Variants in HIP1 observed in about 807,000 individuals in gnomAD.
HIP1 encodes the protein huntingtin interacting protein 1.
HIP1 carries 65 observed loss-of-function variants against 147.6 expected under a neutral mutation model. The observed-to-expected ratio is 0.44, with a 90% CI of 0.36 to 0.54. The LOEUF (loss-of-function observed/expected upper bound fraction) is 0.54. Ranked by LOEUF, HIP1 falls within the 20% of genes least tolerant of loss-of-function variation. The probability of loss-of-function intolerance (pLI) is 0.00; values close to 1 mark genes in which losing one functional copy is unlikely to be tolerated. For missense variants in HIP1, 1,061 were observed against 1,299.6 expected, an observed-to-expected ratio of 0.82 and a Z score of 2.82; for synonymous variants, 479 against 504.0, an observed-to-expected ratio of 0.95 and a Z score of 0.67.
chr7:75,652,783 A>C (rs1199409497), intron 1 of HIP1, among the ~76,000 whole-genome samples: 2 of 152,218 alleles, frequency 1.3e-5, no homozygotes, highest in African/African-American at 2.4e-5. Context: ...GAGGTAAAAT[A>C]GAAAGTCATA....
At chr7:75,575,479 C>A (rs587703191) in intron 7 of HIP1, among the ~76,000 whole-genome samples, 2 of 152,114 alleles carry the variant, frequency 1.3e-5, no homozygotes, top group Non-Finnish European at 1.5e-5. Context: ...CAAACCAAAA[C>A]AAAACAATAC....
chr7:75,546,435 C>T (rs1288533073), intron 25 of HIP1, among the ~76,000 whole-genome samples: 1 of 152,104 alleles, frequency 6.6e-6, no homozygotes, highest in South Asian at 2.1e-4. Flanking sequence ...TCCCGAGCTG[C>T]GGCGGCATAT....
intron 4 of HIP1, 38 bp downstream of exon 4, chr7:75,592,015 AAGG>A (rs1554500864): frequency 6.6e-7 from 1 of 1,516,066 alleles, no homozygotes; most frequent in Admixed American, 1.7e-5. Flanking sequence ...TGAGGAAGGA[AAGG>A]AGAAGCAGGT....
At chr7:75,632,189 T>C (rs1554509042) in intron 1 of HIP1, among the ~76,000 whole-genome samples, 1 of 152,176 alleles carries the variant, frequency 6.6e-6, no homozygotes, top group East Asian at 1.9e-4. Context: ...AAATCTCTCT[T>C]TCAACTCTGT....
intron 1 of HIP1, among the ~76,000 whole-genome samples, chr7:75,631,794 G>C (rs1798230372): frequency 6.6e-6 from 1 of 152,082 alleles, no homozygotes; most frequent in Non-Finnish European, 1.5e-5. Context: ...GTTTGAACTG[G>C]GACCTCTCTG....
At chr7:75,624,174 A>G (rs782736307) in intron 1 of HIP1, among the ~76,000 whole-genome samples, 2 of 152,114 alleles carry the variant, frequency 1.3e-5, no homozygotes, top group East Asian at 1.9e-4. Context: ...CTGTGGTTAC[A>G]CTCTGGAGGC....
Position 75,554,230 on chromosome 7 carries a change from T to A in HIP1, c.2051-10A>T. 6.2e-7 allele frequency: 1 copy of A among 1,609,912 alleles called. No individual in the cohort carries two copies. The highest frequency in any genetic ancestry group is 1.7e-5 in the Admixed American group (1 of 59,962). On this transcript the variant is annotated splice_polypyrimidine_tract_variant and intron_variant, in intron 20 of 30. Transcript: ENST00000336926. Reference sequence around the variant, plus strand: ...AGAAGTCCACTGATGTCTGCCAGGATTGGAAAGAGAAGTTTCTCAGGTCTG... The same window carrying A: ...AGAAGTCCACTGATGTCTGCCAGGAATGGAAAGAGAAGTTTCTCAGGTCTG...
At chr7:75,560,428 T>C (rs1395623410) in intron 13 of HIP1, among the ~76,000 whole-genome samples, 1 of 152,108 alleles carries the variant, frequency 6.6e-6, no homozygotes, top group African/African-American at 2.4e-5. Flanking sequence ...TTTAAAAAGT[T>C]TTTTGTAGAG....
chr7:75,718,905 A>G (rs1001254521), intron 1 of HIP1, among the ~76,000 whole-genome samples: 10 of 152,180 alleles, frequency 6.6e-5, no homozygotes, highest in African/African-American at 2.4e-4. Flanking sequence ...AGTTCCCACC[A>G]TATATCCTTG....
intron 1 of HIP1, among the ~76,000 whole-genome samples, chr7:75,679,724 CA>C (rs1359961720): frequency 2.0e-5 from 3 of 152,176 alleles, no homozygotes; most frequent in African/African-American, 7.2e-5. Context: ...TTGGCGTCCT[CA>C]AGGTAGACCC....
intron 1 of HIP1, among the ~76,000 whole-genome samples, chr7:75,607,214 AAG>A (rs1362965596): frequency 6.7e-6 from 1 of 149,574 alleles, no homozygotes; most frequent in Non-Finnish European, 1.5e-5. Flanking sequence ...ACAAAAAAAA[AAG>A]AGTTGTTTTT....
At chr7:75,638,876 TC>T (rs1353606217) in intron 1 of HIP1, among the ~76,000 whole-genome samples, 2 of 151,596 alleles carry the variant, frequency 1.3e-5, no homozygotes, top group African/African-American at 4.9e-5. Context: ...GCCAGCCGCC[TC>T]CAGAATCCTG....
At chr7:75,686,741 A>G (rs1800273416) in intron 1 of HIP1, among the ~76,000 whole-genome samples, 1 of 151,620 alleles carries the variant, frequency 6.6e-6, no homozygotes. Context: ...GGCTCACTGC[A>G]GCCTTGACCT....
At chr7:75,553,407 C>T in intron 22 of HIP1, 46 bp downstream of exon 22, 1 of 1,599,418 alleles carries the variant, frequency 6.3e-7, no homozygotes, top group Non-Finnish European at 8.5e-7. Flanking sequence ...CCAGCACGCA[C>T]ACCCAGAAGA....
intron 7 of HIP1, among the ~76,000 whole-genome samples, chr7:75,577,333 A>AAAAAAAAAAAAC (rs1795881439): frequency 1.3e-5 from 1 of 74,142 alleles, no homozygotes; most frequent in Non-Finnish European, 2.4e-5. Flanking sequence ...TCCCATCTCC[A>AAAAAAAAAAAAC]AAAAAAAAAA....
chr7:75,538,185 G>A lies in HIP1; in HGVS notation c.3101C>T (p.Thr1034Ile). Residue 1034 changes from threonine to isoleucine, a missense_variant, in exon 31 of 31, where the codon ACC (threonine) becomes ATC (isoleucine). This residue lies in a region of HIP1 where 810 missense variants were observed against 946.8 expected (regional missense o/e 0.86). Coordinates refer to ENST00000336926, the MANE Select transcript of HIP1 (RefSeq NM_005338.7). ...GTTGGTTTGGCTCTATTCTTTTTCG[G>A]TTACCACTTCTTGCAGTGTAGGTGG... ...ASPPTLQEVV[T>I]EKE The A allele has an allele frequency of 6.2e-7, 1 of 1,612,534 alleles. No individual in the cohort carries two copies. The highest frequency in any genetic ancestry group is 8.5e-7 in the Non-Finnish European group (1 of 1,178,828).
intron 14 of HIP1, among the ~76,000 whole-genome samples, chr7:75,559,127 GA>G: frequency 6.6e-6 from 1 of 152,254 alleles, no homozygotes. Flanking sequence ...AAATTTATTT[GA>G]AATTTTTTAG....
chr7:75,677,603 TAAAAAA>T (rs60860713), intron 1 of HIP1, among the ~76,000 whole-genome samples: 1 of 94,502 alleles, frequency 1.1e-5, no homozygotes, highest in East Asian at 3.1e-4. Flanking sequence ...AGACTCCATC[TAAAAAA>T]AAAAAAAAAA....
chr7:75,690,349 T>C (rs1554518013), intron 1 of HIP1, among the ~76,000 whole-genome samples: 1 of 151,840 alleles, frequency 6.6e-6, no homozygotes, highest in African/African-American at 2.4e-5. Flanking sequence ...AACTAGCCAA[T>C]AAGCACACGA....
Sources: allele counts gnomAD v4.1 joint callset (sites outside exome capture counted in the v4.1 genomes callset), GRCh38; gene constraint gnomAD v4.1.1; regional missense constraint gnomAD v4.1.1; transcripts MANE v1.5; gene names NCBI Gene and HGNC (gene_info 2026-07-23, HGNC 2026-07-21).